Variants in PALM2AKAP2 observed in about 807,000 individuals in gnomAD.
PALM2AKAP2 encodes the protein PALM2 and AKAP2 fusion, also known as PALM2-AKAP2 fusion protein.
In PALM2AKAP2, 37 loss-of-function variants were observed where a neutral mutation model predicts 71.5. The ratio of observed to expected loss-of-function variants is 0.52; its 90% CI spans 0.40 to 0.68. The LOEUF (loss-of-function observed/expected upper bound fraction) is 0.68. Among genes scored for constraint, PALM2AKAP2 ranks in the 30% least tolerant of loss-of-function variants. The pLI, the probability that PALM2AKAP2 is intolerant of heterozygous loss-of-function variation, is 0.00. For missense variants in PALM2AKAP2, 1,224 were observed against 1,191.8 expected, an observed-to-expected ratio of 1.03 and a Z score of -0.40; for synonymous variants, 468 against 478.8, an observed-to-expected ratio of 0.98 and a Z score of 0.29.
At chr9:110,108,641 C>T (rs1440180847) in intron 1 of PALM2AKAP2, among the ~76,000 whole-genome samples, 2 of 151,976 alleles carry the variant, frequency 1.3e-5, no homozygotes, top group Non-Finnish European at 2.9e-5. Context: ...AATCGTGACC[C>T]ATATAGCTTA....
At chr9:109,699,406 T>C (rs949397472) in intron 1 of PALM2AKAP2, among the ~76,000 whole-genome samples, 3 of 152,234 alleles carry the variant, frequency 2.0e-5, no homozygotes, top group Non-Finnish European at 4.4e-5. Context: ...ATTGAGGGAA[T>C]AATCAGAGAT....
intron 1 of PALM2AKAP2, among the ~76,000 whole-genome samples, chr9:110,129,086 A>C (rs1400714201): frequency 6.6e-6 from 1 of 152,212 alleles, no homozygotes. Flanking sequence ...GCCAGAGGAA[A>C]CAGAACCCCT....
At chr9:110,136,487 G>A (rs1326725326) in exon 2 of PALM2AKAP2, 2 of 1,614,030 alleles carry the variant, frequency 1.2e-6, no homozygotes, top group South Asian at 2.2e-5. Flanking sequence ...GCCTGGTGCA[G>A]TGGTTCTGGT....
Position 109,923,653 on chromosome 9 carries a change from C to T in PALM2AKAP2, c.258-82C>T, listed in dbSNP as rs555436107. 337 of 1,420,482 alleles carry T rather than the reference C, an allele frequency of 2.4e-4. 1 individual carries two copies. The highest frequency in any genetic ancestry group is 7.8e-4 in the African/African-American group (53 of 67,920). 88.0% of individuals were successfully genotyped at this position (1,420,482 alleles called of 1,614,324 possible). ...CAAAGGCTGCCAGGAAGGTACAAAT[C>T]GCCCAACAGGAAGGAGCTGCTCTCT... On this transcript the variant is annotated intron_variant, in intron 3 of 9. Transcript: ENST00000302798.
chr9:109,774,430 T>C (rs1014723885), intron 1 of PALM2AKAP2, among the ~76,000 whole-genome samples: 1 of 152,252 alleles, frequency 6.6e-6, no homozygotes, highest in Admixed American at 6.5e-5. Flanking sequence ...CATATTTTCC[T>C]AGGATTTAAT....
chr9:110,160,117 C>A (rs1464070854), intron 3 of PALM2AKAP2, among the ~76,000 whole-genome samples: 5 of 152,266 alleles, frequency 3.3e-5, no homozygotes, highest in African/African-American at 9.6e-5. Flanking sequence ...CTATGCAAGG[C>A]CTTTGTGTGA....
At position 109,640,896 on chromosome 9, in the gene PALM2AKAP2, G is replaced by A. The variant is rs752645721; in HGVS notation, c.5+30G>A. 2.3e-5 allele frequency: 35 copies of A among 1,511,890 alleles called. No individual in the cohort carries two copies. In the South Asian group the frequency reaches 4.3e-4, roughly 19 times the overall value. 93.7% of individuals were successfully genotyped at this position (1,511,890 alleles called of 1,614,324 possible). A position where few individuals can be genotyped will look rare whatever the true frequency, so the allele number is the denominator to read the frequency against. On this transcript the variant is annotated intron_variant, in intron 1 of 6. Coordinates refer to the PALM2AKAP2 transcript ENST00000374531. The stretch of plus-strand genomic sequence containing the variant: ...GTATCCCCGAGCCGCGCCGCCAGCT[G>A]CTCTCCTCTCGGCATGTTGCCATGG...
chr9:110,031,596 A>G (rs912229856), intron 7 of PALM2AKAP2, among the ~76,000 whole-genome samples: 11 of 152,162 alleles, frequency 7.2e-5, no homozygotes, highest in Non-Finnish European at 1.5e-4. Context: ...CAACCCTATG[A>G]GGTGGGTACT....
At chr9:109,844,206 G>T (rs1828788077) in intron 1 of PALM2AKAP2, among the ~76,000 whole-genome samples, 1 of 152,096 alleles carries the variant, frequency 6.6e-6, no homozygotes, top group African/African-American at 2.4e-5. Context: ...TCTGCCACTG[G>T]CACCACTTTA....
chr9:109,864,552 T>C (rs955654312), intron 1 of PALM2AKAP2, among the ~76,000 whole-genome samples: 1 of 152,216 alleles, frequency 6.6e-6, no homozygotes, highest in Non-Finnish European at 1.5e-5. Flanking sequence ...ACTTAAATGA[T>C]ATTTGAATCC....
intron 1 of PALM2AKAP2, among the ~76,000 whole-genome samples, chr9:110,065,613 T>C (rs1275086438): frequency 1.3e-5 from 2 of 152,214 alleles, no homozygotes; most frequent in Non-Finnish European, 2.9e-5. Flanking sequence ...ATTAAGTACA[T>C]TCACATTATT....
chr9:110,014,855 C>T (rs552771382), intron 6 of PALM2AKAP2, among the ~76,000 whole-genome samples: 15 of 117,714 alleles, frequency 1.3e-4, no homozygotes, highest in Middle Eastern at 5.7e-3. Flanking sequence ...TATATATACA[C>T]ACACACACAT....
At chr9:109,917,638 G>A (rs1202235858) in intron 3 of PALM2AKAP2, among the ~76,000 whole-genome samples, 1 of 151,960 alleles carries the variant, frequency 6.6e-6, no homozygotes, top group African/African-American at 2.4e-5. Context: ...AAGGGTATAT[G>A]TCACCATGCC....
chr9:109,691,927 CATATAT>C (rs202186589), intron 1 of PALM2AKAP2, among the ~76,000 whole-genome samples: 2 of 97,258 alleles, frequency 2.1e-5, no homozygotes, highest in African/African-American at 8.9e-5. Flanking sequence ...TATATATACA[CATATAT>C]ATATATACAC....
chr9:109,710,313 C>G (rs546349987), intron 1 of PALM2AKAP2, among the ~76,000 whole-genome samples: 29 of 152,336 alleles, frequency 1.9e-4, no homozygotes, highest in South Asian at 4.1e-4. Flanking sequence ...TTGGGTAGAG[C>G]ACAGGCTAAC....
chr9:109,994,875 A>T (rs1428543149), intron 6 of PALM2AKAP2, among the ~76,000 whole-genome samples: 1 of 152,064 alleles, frequency 6.6e-6, no homozygotes, highest in Non-Finnish European at 1.5e-5. Context: ...CCCCACACCC[A>T]TCAGCTGCGA....
intron 1 of PALM2AKAP2, among the ~76,000 whole-genome samples, chr9:110,128,221 G>T (rs954533342): frequency 6.6e-6 from 1 of 152,184 alleles, no homozygotes. Flanking sequence ...CACCCCTTCT[G>T]CATTTGCCTT....
At chr9:109,661,634 C>G (rs1827398358) in intron 1 of PALM2AKAP2, among the ~76,000 whole-genome samples, 1 of 152,154 alleles carries the variant, frequency 6.6e-6, no homozygotes, top group South Asian at 2.1e-4. Context: ...TTAGGATTGT[C>G]TTGGCAATGT....
chr9:109,993,704 C>CT (rs1349935560), intron 6 of PALM2AKAP2, among the ~76,000 whole-genome samples: 1 of 151,996 alleles, frequency 6.6e-6, no homozygotes, highest in Non-Finnish European at 1.5e-5. Flanking sequence ...CCTTCCTCTC[C>CT]TCATTCTCCC....
Sources: gnomAD v4.1 joint callset for allele counts (sites outside exome capture counted in the v4.1 genomes callset) on GRCh38, gnomAD v4.1.1 for gene constraint, MANE v1.5 for transcripts, NCBI Gene and HGNC (gene_info 2026-07-23, HGNC 2026-07-21) for gene names.